Variants in INSR observed in about 807,000 individuals in gnomAD.
INSR encodes the protein insulin receptor, also known as IR.
A neutral mutation model predicts 142.6 loss-of-function variants in INSR; 67 were observed. The ratio of observed to expected loss-of-function variants is 0.47; its 90% CI spans 0.39 to 0.58. The LOEUF (loss-of-function observed/expected upper bound fraction) is 0.58, where lower values mean the gene tolerates loss of function less well. Among genes scored for constraint, INSR ranks in the 20% least tolerant of loss-of-function variants. INSR has a pLI of 0.00. For missense variants in INSR, 1,248 were observed against 1,833.2 expected (o/e 0.68, Z 5.83); for synonymous variants, 756 against 743.1 (o/e 1.02, Z -0.28).
At chr19:7,291,249 A>G (rs1486068295) in intron 1 of INSR, among the ~76,000 whole-genome samples, 1 of 152,150 alleles carries the variant, frequency 6.6e-6, no homozygotes, top group African/African-American at 2.4e-5. Flanking sequence ...TTGTTAAGAA[A>G]CCATTGCTCT....
In INSR at chr19:7,184,403, G is replaced by A. The variant is rs982095767; in HGVS notation, c.887C>T (p.Ser296Leu). 2.5e-6 allele frequency: 4 copies of A among 1,613,954 alleles called. No homozygotes were observed. The highest frequency in any genetic ancestry group is 2.7e-5 in the African/African-American group (2 of 74,874). ...CQDLHHKCKNSRRQGCHQYVI... is the reference protein window; with the variant it reads ...CQDLHHKCKNLRRQGCHQYVI... ...GTACTGGTGGCAGCCCTGCCTCCGC[G>A]AGTTCTTGCATTTGTGGTGCAGGTC... Residue 296 changes from serine (S) to leucine (L), a missense_variant, in exon 3 of 22, where the codon TCG becomes TTG. This residue lies in a region of INSR where 1,069 missense variants were observed against 1,654.0 expected (regional missense o/e 0.65). Coordinates refer to ENST00000302850, the MANE Select transcript of INSR (RefSeq NM_000208.4).
intron 1 of INSR, among the ~76,000 whole-genome samples, chr19:7,293,497 G>T (rs1206641636): frequency 1.3e-5 from 2 of 152,244 alleles, no homozygotes; most frequent in African/African-American, 4.8e-5. Context: ...GGAGGGGCCG[G>T]GGCACGGGTC....
intron 2 of INSR, among the ~76,000 whole-genome samples, chr19:7,199,730 A>ACCTGTT (rs1416555300): frequency 4.0e-5 from 6 of 151,662 alleles, no homozygotes; most frequent in Non-Finnish European, 7.4e-5. Flanking sequence ...AGTTATGTTT[A>ACCTGTT]CCTGTTCCCT....
chr19:7,220,955 A>T (rs1975592065), intron 2 of INSR, among the ~76,000 whole-genome samples: 1 of 152,050 alleles, frequency 6.6e-6, no homozygotes, highest in African/African-American at 2.4e-5. Flanking sequence ...TTAATGGTTT[A>T]TCATAGGAGT....
chr19:7,226,685 G>A (rs1025150667), intron 2 of INSR, among the ~76,000 whole-genome samples: 13 of 137,182 alleles, frequency 9.5e-5, no homozygotes, highest in African/African-American at 3.4e-4. Context: ...CCATGATCAC[G>A]CCACTGCACA....
chr19:7,153,370 C>CACACACCAA (rs1490656300), intron 9 of INSR, among the ~76,000 whole-genome samples: 2 of 69,492 alleles, frequency 2.9e-5, no homozygotes, highest in African/African-American at 8.5e-5. Context: ...ACACACCCCA[C>CACACACCAA]ACACACCATA....
chr19:7,189,584 T>A (rs1974521469), intron 2 of INSR, among the ~76,000 whole-genome samples: 1 of 152,172 alleles, frequency 6.6e-6, no homozygotes, highest in African/African-American at 2.4e-5. Context: ...AATAAAACTT[T>A]ATTTATAAAA....
intron 1 of INSR, among the ~76,000 whole-genome samples, chr19:7,269,038 CCACACACACACA>C (rs141333611): frequency 6.8e-6 from 1 of 146,852 alleles, no homozygotes; most frequent in Admixed American, 6.9e-5. Flanking sequence ...ACCCACACAC[CCACACACACACA>C]CACACACACA....
At chr19:7,230,977 C>T (rs757364356) in intron 2 of INSR, among the ~76,000 whole-genome samples, 1 of 152,200 alleles carries the variant, frequency 6.6e-6, no homozygotes, top group Admixed American at 6.5e-5. Flanking sequence ...CAAGGAGGCG[C>T]GTGTCTACAG....
At chr19:7,152,371 A>C (rs1973388427) in intron 10 of INSR, 2 of 279,254 alleles carry the variant, frequency 7.2e-6, no homozygotes, top group African/African-American at 3.7e-5. Context: ...ATAGAGTGAG[A>C]CTCTGTCAAA....
rs767765177 is a variant in INSR at position 7,172,392 on chromosome 19, T to A, written c.1166A>T (p.Glu389Val). 1 of 1,614,118 alleles carries A rather than the reference T, an allele frequency of 6.2e-7. No individual in the cohort carries two copies. The change falls in exon 5 of 22, where the codon GAA becomes GTA. Residue 389 changes from glutamate (E) to valine (V), a missense_variant. By Grantham distance (121) the Glu-to-Val change is moderately radical. Around this residue, in one of 3 missense-constraint regions of INSR, gnomAD observed 1,069 missense variants for 1,654.0 expected, o/e 0.65. Transcript: ENST00000302850. ...GATTTTTAGATACCCTGAAATTTCT[T>A]CAATGAGGCCGAGGTTGGCTTCTAG... is the stretch of plus-strand genomic sequence containing the variant. ...AELEANLGLI[E>V]EISGYLKIRR...
rs192854984 is a variant in INSR at position 7,289,726 on chromosome 19, A to G, written c.100+4066T>C. ...CGGCCGAGGATTATTGAACAAAGAG[A>G]GGAGAAAGAGCAAGAGCCCAGATGG... On this transcript the variant is annotated intron_variant, in intron 1 of 21. Coordinates refer to ENST00000302850, the MANE Select transcript of INSR (RefSeq NM_000208.4). Among the ~76,000 whole-genome samples, 661 of 152,112 alleles carry G rather than the reference A, an allele frequency of 4.3e-3. 1 individual carries two copies. Among genetic ancestry groups the G allele is most frequent in the Non-Finnish European group, 6.9e-3 (471 of 67,974 alleles).
intron 9 of INSR, among the ~76,000 whole-genome samples, chr19:7,153,338 C>T (rs1159681403): frequency 1.1e-5 from 1 of 91,862 alleles, no homozygotes; most frequent in Non-Finnish European, 1.9e-5. Flanking sequence ...ACACCCACGC[C>T]ACACACCACA....
intron 2 of INSR, among the ~76,000 whole-genome samples, chr19:7,217,004 T>A (rs1200249082): frequency 1.3e-5 from 2 of 150,826 alleles, no homozygotes; most frequent in African/African-American, 2.4e-5. Flanking sequence ...TTCTTCTTTT[T>A]TTTTTTTTTG....
chr19:7,200,213 T>C (rs1974915231), intron 2 of INSR, among the ~76,000 whole-genome samples: 1 of 152,082 alleles, frequency 6.6e-6, no homozygotes, highest in Non-Finnish European at 1.5e-5. Context: ...TTTTTCTGGC[T>C]TATGGTAGAT....
At chr19:7,147,622 AT>A (rs1470612388) in intron 11 of INSR, among the ~76,000 whole-genome samples, 3 of 152,186 alleles carry the variant, frequency 2.0e-5, no homozygotes, top group African/African-American at 7.2e-5. Context: ...GATTCTCTTT[AT>A]GGTCTTTTTG....
chr19:7,213,377 A>G (rs934999458), intron 2 of INSR, among the ~76,000 whole-genome samples: 10 of 150,594 alleles, frequency 6.6e-5, no homozygotes, highest in Non-Finnish European at 1.2e-4. Flanking sequence ...AAAACCCTAC[A>G]GGGCACTGCA....
At position 7,267,722 on chromosome 19, in the gene INSR, C is replaced by T. The variant is rs777109581; in HGVS notation, c.275G>A (p.Arg92Gln). ...CTTCAGGCTCTCGAGCCCATAGACC[C>T]GGAAGAGCAGCAAGTAATCAGTGAT... is the stretch of plus-strand genomic sequence containing the variant. The part of the protein sequence containing the change: ...IMITDYLLLF[R>Q]VYGLESLKDL... Residue 92 changes from arginine (R) to glutamine (Q), a missense_variant, in exon 2 of 22, where the codon CGG becomes CAG. Physicochemically the swap from Arg to Gln is conservative, Grantham distance 43. Transcript: ENST00000302850. The surrounding 1 kb of genome is among the most constrained non-coding windows in gnomAD (Gnocchi z 6.3). 1 of 1,614,012 alleles carries T rather than the reference C, an allele frequency of 6.2e-7. No homozygotes were observed. The highest frequency in any genetic ancestry group is 2.2e-5 in the East Asian group (1 of 44,886).
intron 1 of INSR, among the ~76,000 whole-genome samples, chr19:7,272,443 A>C (rs8113290): frequency 0.92 from 140,516 of 152,102 alleles, 65,212 homozygotes; most frequent in Non-Finnish European, 0.98. Context: ...CGTGGTGAAA[A>C]CCTGTCTCTA....
Sources: gnomAD v4.1 joint callset for allele counts (sites outside exome capture counted in the v4.1 genomes callset) on GRCh38, gnomAD v4.1.1 for gene constraint, gnomAD v4.1.1 regional missense constraint, Gnocchi (gnomAD v3.1) non-coding constraint, MANE v1.5 for transcripts, NCBI Gene and HGNC (gene_info 2026-07-23, HGNC 2026-07-21) for gene names.